KIF16B: variants seen among roughly 807,000 people sequenced by gnomAD.
KIF16B encodes kinesin-like protein KIF16B.
A neutral mutation model predicts 156.3 loss-of-function variants in KIF16B; 98 were observed. The observed-to-expected ratio is 0.63, with a 90% confidence interval of 0.53 to 0.74. The LOEUF is 0.74. Among genes scored for constraint, KIF16B ranks in the 30% least tolerant of loss-of-function variants. The pLI, the probability that KIF16B is intolerant of heterozygous loss-of-function variation, is 0.00. For missense variants in KIF16B, 1,421 were observed against 1,606.5 expected (o/e 0.88, Z 1.97); for synonymous variants, 564 against 583.7 (o/e 0.97, Z 0.49).
At chr20:16,492,032 G>T (rs1019536720) in intron 12 of KIF16B, among the ~76,000 whole-genome samples, 22 of 152,068 alleles carry the variant, frequency 1.4e-4, no homozygotes, top group Non-Finnish European at 2.5e-4. Context: ...CATGAGAGGG[G>T]GTTTGTACAG....
At chr20:16,332,125 C>A (rs1443109996) in intron 24 of KIF16B, among the ~76,000 whole-genome samples, 1 of 151,978 alleles carries the variant, frequency 6.6e-6, no homozygotes, top group African/African-American at 2.4e-5. Flanking sequence ...AGAAATAATT[C>A]TTTTTTCCCA....
intron 11 of KIF16B, among the ~76,000 whole-genome samples, chr20:16,494,831 T>A (rs1455385966): frequency 3.3e-5 from 5 of 152,202 alleles, no homozygotes; most frequent in Admixed American, 3.3e-4. Flanking sequence ...ATAAACCTCA[T>A]TCTATCTTTT....
chr20:16,376,183 G>A (rs2064947049), intron 19 of KIF16B, among the ~76,000 whole-genome samples: 1 of 152,154 alleles, frequency 6.6e-6, no homozygotes, highest in Non-Finnish European at 1.5e-5. Context: ...ATTGTTAAAG[G>A]ACTCTGACAA....
chr20:16,552,631 T>C (rs1206296638), intron 1 of KIF16B, among the ~76,000 whole-genome samples: 1 of 152,130 alleles, frequency 6.6e-6, no homozygotes, highest in African/African-American at 2.4e-5. Context: ...GAGACCACTG[T>C]ATCCTGACAC....
rs367787207 is a variant in KIF16B at position 16,329,958 on chromosome 20, T to C, written c.3711+5968A>G. ...TTGAAGATCACATGCAGCAAATCTG[T>C]CCTTCTTCAGTATTACAAAGTACAA... is the stretch of plus-strand genomic sequence containing the variant. On this transcript the variant is annotated intron_variant, in intron 24 of 25. Transcript: ENST00000354981. 1.4e-4 allele frequency among the ~76,000 whole-genome samples: 21 copies of C among 152,322 alleles called. No individual in the cohort carries two copies. In the East Asian group the frequency reaches 2.5e-3, roughly 18 times the overall value.
chr20:16,485,154 T>C (rs1017671538), intron 12 of KIF16B, among the ~76,000 whole-genome samples: 11 of 152,120 alleles, frequency 7.2e-5, no homozygotes, highest in Admixed American at 6.5e-5. Flanking sequence ...CTGATGGGGA[T>C]GAGGGACACA....
At chr20:16,489,830 G>T (rs980753856) in intron 12 of KIF16B, among the ~76,000 whole-genome samples, 2 of 152,088 alleles carry the variant, frequency 1.3e-5, no homozygotes, top group Admixed American at 6.6e-5. Flanking sequence ...CAGCTCCCCG[G>T]TGATGTTGAT....
intron 3 of KIF16B, among the ~76,000 whole-genome samples, chr20:16,522,567 A>G (rs1457905868): frequency 6.6e-6 from 1 of 152,192 alleles, no homozygotes; most frequent in Non-Finnish European, 1.5e-5. Flanking sequence ...ACACAATAAT[A>G]GTGGGAGACT....
intron 17 of KIF16B, chr20:16,382,150 A>T: frequency 7.6e-7 from 1 of 1,313,896 alleles, no homozygotes; most frequent in Non-Finnish European, 1.0e-6. Flanking sequence ...AGGTGGAGAG[A>T]GAGAGAGAAA....
At chr20:16,527,566 TTTG>T (rs1374459243) in intron 2 of KIF16B, among the ~76,000 whole-genome samples, 4 of 152,138 alleles carry the variant, frequency 2.6e-5, no homozygotes, top group African/African-American at 7.2e-5. Flanking sequence ...TTCTTTCTTT[TTTG>T]TTGTTGTTTT....
chr20:16,379,959 C>T lies in KIF16B; in HGVS notation c.2043G>A (p.Glu681=). ...TTTCCTGCTGTTCCCTCAGCCTCTC[C>T]TCTTCAAATTTTTCCTTCTCCGCAA... is the stretch of plus-strand genomic sequence containing the variant. ...DLLAEKEKFE[E]ERLREQQEIE... The change falls in exon 19 of 26, where the codon GAG becomes GAA. Residue 681 remains glutamate, a synonymous_variant. Coordinates refer to ENST00000354981, the MANE Select transcript of KIF16B (RefSeq NM_024704.5). 6.2e-7 allele frequency: 1 copy of T among 1,613,082 alleles called. No homozygotes were observed. The highest frequency in any genetic ancestry group is 1.3e-5 in the African/African-American group (1 of 74,798).
chr20:16,516,604 T>C (rs1345335624), intron 3 of KIF16B, among the ~76,000 whole-genome samples: 1 of 152,146 alleles, frequency 6.6e-6, no homozygotes, highest in Non-Finnish European at 1.5e-5. Context: ...TCCTCTGTGG[T>C]GTCACCAACG....
chr20:16,438,847 A>G (rs564309898), intron 12 of KIF16B, among the ~76,000 whole-genome samples: 182 of 152,334 alleles, frequency 1.2e-3, no homozygotes, highest in Non-Finnish European at 2.3e-3. Context: ...CATGTTCTAC[A>G]TCCCTGCAAA....
rs563998103 is a variant in KIF16B, at chr20:16,279,647, G to A, written c.3796-6236C>T. Among the ~76,000 whole-genome samples the A allele has an allele frequency of 1.8e-4, 28 of 152,138 alleles. No homozygotes were observed. The South Asian group carries it at 4.4e-3, about 24-fold the overall frequency. ...CACGCTCTTCTCTTAGGAAAAGGTCGATCCTAGGAGGCTCTGGAGAATCAC... is the reference window on the plus strand; with the variant it reads ...CACGCTCTTCTCTTAGGAAAAGGTCAATCCTAGGAGGCTCTGGAGAATCAC... On this transcript the variant is annotated intron_variant, in intron 25 of 25. Transcript: ENST00000354981.
chr20:16,485,572 A>T (rs1358459310), intron 12 of KIF16B, among the ~76,000 whole-genome samples: 1 of 152,218 alleles, frequency 6.6e-6, no homozygotes, highest in Admixed American at 6.5e-5. Context: ...ATGAAGGATC[A>T]AATATCATCC....
intron 10 of KIF16B, among the ~76,000 whole-genome samples, chr20:16,503,894 C>T (rs2068696532): frequency 6.6e-6 from 1 of 152,158 alleles, no homozygotes; most frequent in South Asian, 2.1e-4. Context: ...TCAGCCAGAT[C>T]ACAGGTGTAA....
At chr20:16,309,858 T>C (rs2063593531) in intron 25 of KIF16B, among the ~76,000 whole-genome samples, 1 of 152,246 alleles carries the variant, frequency 6.6e-6, no homozygotes, top group South Asian at 2.1e-4. Flanking sequence ...TATAGGAATT[T>C]AAACATACAC....
At chr20:16,313,930 G>A (rs6043881) in intron 24 of KIF16B, among the ~76,000 whole-genome samples, 109,749 of 152,108 alleles carry the variant, frequency 0.72, 40,509 homozygotes, top group East Asian at 0.96. Context: ...ACATATGTAC[G>A]TATTTCTGAT....
chr20:16,341,101 A>G (rs1308678090), intron 23 of KIF16B, among the ~76,000 whole-genome samples: 3 of 152,212 alleles, frequency 2.0e-5, no homozygotes, highest in South Asian at 2.1e-4. Flanking sequence ...AAGATGGCCC[A>G]ATGTGGAAAG....
Sources: gnomAD v4.1 joint callset for allele counts (sites outside exome capture counted in the v4.1 genomes callset) on GRCh38, gnomAD v4.1.1 for gene constraint, MANE v1.5 for transcripts, NCBI Gene and HGNC (gene_info 2026-07-23, HGNC 2026-07-21) for gene names.